Variants in FBXL17 observed in about 807,000 individuals in gnomAD.
FBXL17 encodes the protein F-box/LRR-repeat protein 17.
FBXL17 carries 22 observed loss-of-function variants against 66.2 expected under a neutral mutation model. The ratio of observed to expected loss-of-function variants is 0.33; its 90% CI spans 0.24 to 0.47. The LOEUF is 0.47. Among genes scored for constraint, FBXL17 ranks in the 20% least tolerant of loss-of-function variants. FBXL17 has a pLI of 1.00. For synonymous variants in FBXL17, 474 were observed against 400.5 expected (o/e 1.18, Z -2.19); for missense variants, 878 against 948.2 (o/e 0.93, Z 0.97).
intron 6 of FBXL17, among the ~76,000 whole-genome samples, chr5:108,147,274 C>T (rs1751597317): frequency 1.3e-5 from 2 of 152,202 alleles, no homozygotes; most frequent in African/African-American, 2.4e-5. Context: ...GAGGCAACAA[C>T]GTCTTTCTCT....
intron 7 of FBXL17, among the ~76,000 whole-genome samples, chr5:107,971,874 G>C (rs1314969120): frequency 6.6e-6 from 1 of 152,114 alleles, no homozygotes; most frequent in Non-Finnish European, 1.5e-5. Flanking sequence ...CCCCAATTCT[G>C]TATTAGATGC....
rs1749648814 is a variant in FBXL17 at position 108,379,033 on chromosome 5, C to T, written c.993+1666G>A. Among the ~76,000 whole-genome samples, 3 of 152,162 alleles carry T rather than the reference C, an allele frequency of 2.0e-5. No homozygotes were observed. In the South Asian group the frequency reaches 6.2e-4, roughly 32 times the overall value. On this transcript the variant is annotated intron_variant, in intron 1 of 8. Transcript: ENST00000542267. ...ACAATAGGGCAAGCCCATGGTAATT[C>T]CCATATGTCCTTTAGACAAAGTTTT...
chr5:108,210,619 T>C (rs996739962), intron 5 of FBXL17, among the ~76,000 whole-genome samples: 3 of 152,172 alleles, frequency 2.0e-5, no homozygotes, highest in Non-Finnish European at 4.4e-5. Flanking sequence ...AGTTGTGCGG[T>C]TTTGAGTGAG....
At chr5:108,067,651 C>T (rs569952618) in intron 6 of FBXL17, among the ~76,000 whole-genome samples, 1 of 152,108 alleles carries the variant, frequency 6.6e-6, no homozygotes, top group South Asian at 2.1e-4. Flanking sequence ...CGTTTAGAAC[C>T]CAACTTTGTA....
intron 6 of FBXL17, among the ~76,000 whole-genome samples, chr5:108,097,000 G>A (rs892385601): frequency 3.3e-5 from 5 of 152,166 alleles, no homozygotes; most frequent in Non-Finnish European, 5.9e-5. Flanking sequence ...ATATTAATAT[G>A]GTTTGGCTCT....
chr5:107,897,226 T>C (rs1205104806), intron 7 of FBXL17, among the ~76,000 whole-genome samples: 2 of 152,072 alleles, frequency 1.3e-5, no homozygotes, highest in Admixed American at 6.6e-5. Context: ...AAGTGCCCTA[T>C]TCTGGAAAAA....
At chr5:108,109,193 G>C (rs940081559) in intron 6 of FBXL17, among the ~76,000 whole-genome samples, 2 of 152,108 alleles carry the variant, frequency 1.3e-5, no homozygotes, top group Admixed American at 6.5e-5. Context: ...ACTGATGAGG[G>C]TCAGGACACA....
intron 4 of FBXL17, among the ~76,000 whole-genome samples, chr5:108,292,920 C>T (rs1758174857): frequency 6.6e-6 from 1 of 151,968 alleles, no homozygotes; most frequent in South Asian, 2.1e-4. Flanking sequence ...GAAACCCCAT[C>T]TCTACTAAAA....
intron 5 of FBXL17, among the ~76,000 whole-genome samples, chr5:108,211,293 T>A (rs561535161): frequency 4.7e-4 from 72 of 152,354 alleles, no homozygotes; most frequent in African/African-American, 1.6e-3. Flanking sequence ...TGCCAGTCTG[T>A]GTCTTTTAAT....
intron 4 of FBXL17, among the ~76,000 whole-genome samples, chr5:108,242,815 T>C (rs907437784): frequency 2.0e-5 from 3 of 152,162 alleles, no homozygotes; most frequent in African/African-American, 4.8e-5. Flanking sequence ...AATACCATTA[T>C]TATATCTAAA....
At chr5:108,033,930 G>A (rs1746740184) in intron 6 of FBXL17, among the ~76,000 whole-genome samples, 2 of 152,214 alleles carry the variant, frequency 1.3e-5, no homozygotes, top group South Asian at 4.1e-4. Context: ...TATTTTTAAA[G>A]TAATTCATAT....
At chr5:107,979,876 T>G (rs1752740028) in intron 7 of FBXL17, among the ~76,000 whole-genome samples, 1 of 152,202 alleles carries the variant, frequency 6.6e-6, no homozygotes, top group Non-Finnish European at 1.5e-5. Context: ...ATATCCTGTT[T>G]ACTTAAAGTA....
At chr5:107,983,928 C>T (rs751865399) in intron 7 of FBXL17, among the ~76,000 whole-genome samples, 3 of 151,736 alleles carry the variant, frequency 2.0e-5, no homozygotes, top group Admixed American at 6.6e-5. Flanking sequence ...ATTGGTTTTA[C>T]GTGTTTTGCA....
intron 8 of FBXL17, chr5:107,878,589 C>T: frequency 3.1e-6 from 3 of 983,124 alleles, no homozygotes; most frequent in Non-Finnish European, 3.6e-6. Flanking sequence ...ACCGTTGCTA[C>T]TAATTTCTTT....
chr5:108,225,439 G>C (rs950264144), intron 4 of FBXL17, among the ~76,000 whole-genome samples: 2 of 152,126 alleles, frequency 1.3e-5, no homozygotes, highest in African/African-American at 2.4e-5. Flanking sequence ...AGTTGTACTG[G>C]AGTGAAGTGG....
intron 6 of FBXL17, among the ~76,000 whole-genome samples, chr5:108,116,294 G>A (rs1335962066): frequency 6.6e-6 from 1 of 152,004 alleles, no homozygotes; most frequent in African/African-American, 2.4e-5. Context: ...AGGTTAATAT[G>A]CAATCCATGG....
intron 3 of FBXL17, among the ~76,000 whole-genome samples, chr5:108,359,743 G>A (rs1317135613): frequency 6.6e-6 from 1 of 152,070 alleles, no homozygotes; most frequent in African/African-American, 2.4e-5. Flanking sequence ...ACTGTTCCAT[G>A]TGCACTTGAG....
chr5:107,899,835 A>C lies in FBXL17; in HGVS notation c.1823-18656T>G, dbSNP rs1190826031. Among the ~76,000 whole-genome samples, 3 of 152,252 alleles carry C rather than the reference A, an allele frequency of 2.0e-5. No individual in the cohort carries two copies. The East Asian group carries it at 5.8e-4, about 29-fold the overall frequency. On this transcript the variant is annotated intron_variant, in intron 7 of 8. Coordinates refer to ENST00000542267, the MANE Select transcript of FBXL17 (RefSeq NM_001163315.3). ...GAGGAGGGGGAGTGAGGGTTGAAAA[A>C]ATACCTGTTGGGTCTAATATTCACT...
intron 3 of FBXL17, among the ~76,000 whole-genome samples, chr5:108,358,302 G>T (rs891997390): frequency 3.9e-5 from 6 of 152,124 alleles, no homozygotes; most frequent in Non-Finnish European, 8.8e-5. Context: ...GAATATGTCA[G>T]CTGTGGGTTT....
Sources: allele counts gnomAD v4.1 joint callset (sites outside exome capture counted in the v4.1 genomes callset), GRCh38; gene constraint gnomAD v4.1.1; transcripts MANE v1.5; gene names NCBI Gene and HGNC (gene_info 2026-07-23, HGNC 2026-07-21).